The following PPM1L variants were observed in gnomAD, a reference collection of about 807,000 sequenced individuals.
The protein encoded by PPM1L is protein phosphatase, Mg2+/Mn2+ dependent 1L.
PPM1L carries 13 observed loss-of-function variants against 31.4 expected under a neutral mutation model. That is an observed-to-expected ratio of 0.41 (90% CI 0.27 to 0.66). The LOEUF (loss-of-function observed/expected upper bound fraction) is 0.66, where lower values mean the gene tolerates loss of function less well. Among genes scored for constraint, PPM1L ranks in the 30% least tolerant of loss-of-function variants. The pLI is 0.29. For missense variants in PPM1L, 326 were observed against 453.7 expected (o/e 0.72, Z 2.56); for synonymous variants, 184 against 175.4 (o/e 1.05, Z -0.39).
intron 2 of PPM1L, among the ~76,000 whole-genome samples, chr3:161,046,316 T>C (rs1719068036): frequency 6.6e-6 from 1 of 151,828 alleles, no homozygotes; most frequent in African/African-American, 2.4e-5. Flanking sequence ...AACACCTCTA[T>C]GCAAATAAAC....
intron 2 of PPM1L, among the ~76,000 whole-genome samples, chr3:161,065,202 C>T (rs1559942327): frequency 1.3e-5 from 2 of 152,166 alleles, no homozygotes; most frequent in South Asian, 2.1e-4. Flanking sequence ...TTTAGTGACA[C>T]TCTAACATGG....
chr3:160,886,773 G>T (rs959503361), intron 1 of PPM1L, among the ~76,000 whole-genome samples: 1 of 152,038 alleles, frequency 6.6e-6, no homozygotes, highest in Non-Finnish European at 1.5e-5. Context: ...ACAAAAAAAC[G>T]CAGAAAACCC....
At chr3:161,015,189 A>G (rs914303969) in intron 2 of PPM1L, among the ~76,000 whole-genome samples, 1 of 141,742 alleles carries the variant, frequency 7.1e-6, no homozygotes, top group Non-Finnish European at 1.5e-5. Context: ...CTATTTTTAA[A>G]TTAATAATCA....
At chr3:160,860,705 C>T (rs369960946) in intron 1 of PPM1L, among the ~76,000 whole-genome samples, 4 of 152,178 alleles carry the variant, frequency 2.6e-5, no homozygotes, top group Non-Finnish European at 2.9e-5. Context: ...AAACAACAGA[C>T]ATTTATTTCT....
At chr3:161,031,591 C>T (rs181479140) in intron 2 of PPM1L, among the ~76,000 whole-genome samples, 1 of 150,430 alleles carries the variant, frequency 6.6e-6, no homozygotes, top group East Asian at 2.0e-4. Context: ...GCCTCAAACT[C>T]CTGGGCTCAA....
chr3:161,029,359 CT>C (rs1718497108), intron 2 of PPM1L, among the ~76,000 whole-genome samples: 1 of 152,200 alleles, frequency 6.6e-6, no homozygotes, highest in Admixed American at 6.5e-5. Context: ...TTTGAAACCC[CT>C]GTCCATCTCA....
intron 1 of PPM1L, among the ~76,000 whole-genome samples, chr3:160,887,645 A>G (rs948068662): frequency 6.6e-6 from 1 of 150,632 alleles, no homozygotes; most frequent in Non-Finnish European, 1.5e-5. Context: ...CAGTGGCGCA[A>G]TCTTGGCTCA....
intron 3 of PPM1L, 54 bp downstream of exon 3, chr3:161,065,618 C>T (rs530291623): frequency 7.2e-5 from 112 of 1,565,308 alleles, no homozygotes; most frequent in African/African-American, 2.3e-4. Flanking sequence ...GTGAACAAGG[C>T]GGCTTGCTTG....
chr3:160,884,620 A>G (rs1712845681), intron 1 of PPM1L, among the ~76,000 whole-genome samples: 1 of 152,184 alleles, frequency 6.6e-6, no homozygotes, highest in Non-Finnish European at 1.5e-5. Flanking sequence ...CTTGAGTAGA[A>G]TTTAGCTTCT....
intron 1 of PPM1L, among the ~76,000 whole-genome samples, chr3:160,954,924 T>TTTCTTTCC (rs1382723720): frequency 1.6e-4 from 14 of 86,022 alleles, no homozygotes; most frequent in African/African-American, 5.5e-4. Flanking sequence ...TCCTTCCTTC[T>TTTCTTTCC]TTCCTTCCTT....
At chr3:160,808,405 G>GTGCGCGCGCGCA (rs1712698562) in intron 1 of PPM1L, among the ~76,000 whole-genome samples, 3 of 148,720 alleles carry the variant, frequency 2.0e-5, no homozygotes, top group African/African-American at 7.7e-5. Flanking sequence ...GTGTGTGTGT[G>GTGCGCGCGCGCA]TGTGTGTGTG....
rs1003735722 is a variant in PPM1L, at chr3:161,073,921, T to A, written c.*4764T>A. On this transcript the variant is annotated 3_prime_UTR_variant, in exon 4 of 4. Coordinates refer to ENST00000498165, the MANE Select transcript of PPM1L (RefSeq NM_139245.4). ...CTGCCATAGCTAAATATGTCTCAAATTCATTCCAAGATCTTTCCATTGCTT... is the reference window on the plus strand; with the variant it reads ...CTGCCATAGCTAAATATGTCTCAAAATCATTCCAAGATCTTTCCATTGCTT... 2 of 152,196 alleles carry A rather than the reference T, an allele frequency of 1.3e-5. No homozygotes were observed. The highest frequency in any genetic ancestry group is 4.8e-5 in the African/African-American group (2 of 41,452). 9.4% of individuals were successfully genotyped at this position (152,196 alleles called of 1,614,324 possible). A position where few individuals can be genotyped will look rare whatever the true frequency, so the allele number is the denominator to read the frequency against.
chr3:160,887,095 A>G (rs1288900159), intron 1 of PPM1L, among the ~76,000 whole-genome samples: 3 of 151,878 alleles, frequency 2.0e-5, no homozygotes, highest in Non-Finnish European at 4.4e-5. Flanking sequence ...TCAATCAAGC[A>G]GAAGAAAGGA....
chr3:161,016,886 G>A (rs146227519), intron 2 of PPM1L, among the ~76,000 whole-genome samples: 2 of 152,292 alleles, frequency 1.3e-5, no homozygotes, highest in East Asian at 1.9e-4. Context: ...CTTGCTCATC[G>A]ACTGGGTATT....
At position 160,764,491 on chromosome 3, in the gene PPM1L, C is replaced by T. The variant is rs374840003; in HGVS notation, c.399+7784C>T. Reference sequence around the variant, plus strand: ...TCTCTCTCTCTTTTTTTTTTTAAGACGGTGTCTTGTTCTGTCCCAGGCTGG... The same window carrying T: ...TCTCTCTCTCTTTTTTTTTTTAAGATGGTGTCTTGTTCTGTCCCAGGCTGG... On this transcript the variant is annotated intron_variant, in intron 1 of 3. Coordinates refer to ENST00000498165, the MANE Select transcript of PPM1L (RefSeq NM_139245.4). Among the ~76,000 whole-genome samples the T allele has an allele frequency of 4.0e-4, 59 of 146,662 alleles. No homozygotes were observed. In the East Asian group the frequency reaches 4.4e-3, roughly 11 times the overall value.
chr3:160,831,226 A>G (rs1279826824), intron 1 of PPM1L, among the ~76,000 whole-genome samples: 2 of 152,214 alleles, frequency 1.3e-5, no homozygotes, highest in Non-Finnish European at 2.9e-5. Context: ...TAAATGTTTG[A>G]GATGATGGAT....
intron 1 of PPM1L, among the ~76,000 whole-genome samples, chr3:160,923,824 T>G (rs1714499526): frequency 6.6e-6 from 1 of 152,166 alleles, no homozygotes; most frequent in Non-Finnish European, 1.5e-5. Flanking sequence ...ATTTGAAGCC[T>G]TAAGAGTAAT....
At chr3:160,822,932 A>G (rs1482487722) in intron 1 of PPM1L, among the ~76,000 whole-genome samples, 1 of 152,126 alleles carries the variant, frequency 6.6e-6, no homozygotes. Flanking sequence ...AGAAAAATAA[A>G]ATGAGATCAA....
In PPM1L at chr3:160,902,106, G is replaced by A. The variant is rs570822882; in HGVS notation, c.400-59630G>A. ...AAATGCATAAAATGTGCTTGGCTCT[G>A]TTCATTCACAACCATACCTATCCAT... On this transcript the variant is annotated intron_variant, in intron 1 of 3. Transcript: ENST00000498165. Among the ~76,000 whole-genome samples the A allele has an allele frequency of 8.5e-5, 13 of 152,100 alleles. No homozygotes were observed. In the South Asian group the frequency reaches 2.7e-3, roughly 32 times the overall value.
Sources: allele counts gnomAD v4.1 joint callset (sites outside exome capture counted in the v4.1 genomes callset), GRCh38; gene constraint gnomAD v4.1.1; transcripts MANE v1.5; gene names NCBI Gene and HGNC (gene_info 2026-07-23, HGNC 2026-07-21).